The following PIK3R5 variants were observed in gnomAD, a reference collection of about 807,000 sequenced individuals.
PIK3R5 encodes phosphoinositide-3-kinase regulatory subunit 5.
A neutral mutation model predicts 94.9 loss-of-function variants in PIK3R5; 32 were observed. That is an observed-to-expected ratio of 0.34 (90% CI 0.25 to 0.45). The LOEUF (loss-of-function observed/expected upper bound fraction) is 0.45. PIK3R5 is among the 20% of genes least tolerant of loss of function. The probability of loss-of-function intolerance (pLI) is 1.00; values close to 1 mark genes in which losing one functional copy is unlikely to be tolerated. For synonymous variants in PIK3R5, 443 were observed against 479.4 expected, an observed-to-expected ratio of 0.92 and a Z score of 0.99; for missense variants, 853 against 1,144.6, an observed-to-expected ratio of 0.75 and a Z score of 3.68.
intron 1 of PIK3R5, among the ~76,000 whole-genome samples, chr17:8,931,433 C>G (rs1001174884): frequency 1.2e-4 from 19 of 152,168 alleles, no homozygotes; most frequent in Non-Finnish European, 2.5e-4. Context: ...GGGCAACAGG[C>G]AAGCACAGGA....
intron 1 of PIK3R5, among the ~76,000 whole-genome samples, chr17:8,914,147 C>T (rs2090586649): frequency 6.6e-6 from 1 of 152,186 alleles, no homozygotes; most frequent in Non-Finnish European, 1.5e-5. Context: ...GACAGCGACC[C>T]TTTGTTCTCA....
rs375519798 is a variant in PIK3R5 at position 8,932,252 on chromosome 17, GAGAC to G, written c.-13-20749_-13-20746del. Among the ~76,000 whole-genome samples, 60 of 150,812 alleles carry G rather than the reference GAGAC, an allele frequency of 4.0e-4. No homozygotes were observed. In the East Asian group the frequency reaches 9.7e-3, roughly 24 times the overall value. On this transcript the variant is annotated intron_variant, in intron 1 of 18. Transcript: ENST00000447110. ...TGGAAACCTTTTTTTTTTTATTTTTGAGACAGAGTCTCATTCTGCTGCCCAGGCT... is the reference window on the plus strand; with the variant it reads ...TGGAAACCTTTTTTTTTTTATTTTTGAGAGTCTCATTCTGCTGCCCAGGCT...
chr17:8,940,700 A>T (rs1289529074), intron 1 of PIK3R5, among the ~76,000 whole-genome samples: 3 of 152,100 alleles, frequency 2.0e-5, no homozygotes, highest in African/African-American at 7.2e-5. Flanking sequence ...AGCTGGGATT[A>T]CAGGCATGAG....
chr17:8,958,280 CAA>C (rs10716055), intron 1 of PIK3R5, among the ~76,000 whole-genome samples: 4,606 of 131,706 alleles, frequency 0.035, 133 homozygotes, highest in African/African-American at 0.093. Flanking sequence ...GAGACTGTCT[CAA>C]AAAAAAAAAA....
rs558325134 is a variant in PIK3R5 at position 8,930,727 on chromosome 17, G to C, written c.-13-19220C>G. The stretch of plus-strand genomic sequence containing the variant: ...AACTATTGATACACACAACAACCTG[G>C]GTTAACTTCCGGAAAATTATGCTGA... On this transcript the variant is annotated intron_variant, in intron 1 of 18. Transcript: ENST00000447110. Among the ~76,000 whole-genome samples, 43 of 152,218 alleles carry C rather than the reference G, an allele frequency of 2.8e-4. 1 individual carries two copies. The highest frequency in any genetic ancestry group is 4.6e-4 in the Admixed American group (7 of 15,294).
At position 8,904,056 on chromosome 17, in the gene PIK3R5, A is replaced by G. The variant is rs2151397863; in HGVS notation, c.412+721T>C. 6.6e-6 allele frequency among the ~76,000 whole-genome samples: 1 copy of G among 152,364 alleles called. No homozygotes were observed. Among genetic ancestry groups the G allele is most frequent in the Admixed American group, 6.5e-5 (1 of 15,306 alleles). On this transcript the variant is annotated intron_variant, in intron 5 of 18. Coordinates refer to ENST00000447110, the MANE Select transcript of PIK3R5 (RefSeq NM_001142633.3). This position sits in a 1 kb window ranked among gnomAD's most constrained non-coding sequence, Gnocchi z 5.1. ...TTCCATATATTGAGGGGTTTTGAAT[A>G]TCAGGAATGATGATGAATTTTATGA...
rs2089921447 is a variant in PIK3R5 at position 8,888,056 on chromosome 17, A to AT, written c.1616+114_1616+115insA. ...ATAATAATAATAATAATAAAATAAA[A>AT]ATAAATAAGGGAACTTTTGGTTCCT... is the stretch of plus-strand genomic sequence containing the variant. On this transcript the variant is annotated intron_variant, in intron 10 of 18. Coordinates refer to ENST00000447110, the MANE Select transcript of PIK3R5 (RefSeq NM_001142633.3). This position sits in a 1 kb window ranked among gnomAD's most constrained non-coding sequence, Gnocchi z 7.8. 2.3e-6 allele frequency: 1 copy of AT among 438,656 alleles called. No homozygotes were observed. The highest frequency in any genetic ancestry group is 3.9e-6 in the Non-Finnish European group (1 of 253,792). 27.2% of individuals were successfully genotyped at this position (438,656 alleles called of 1,614,324 possible).
Position 8,893,369 on chromosome 17 carries a change from G to T in PIK3R5, c.482+217C>A, listed in dbSNP as rs1597381223. Among the ~76,000 whole-genome samples, 1 of 152,130 alleles carries T rather than the reference G, an allele frequency of 6.6e-6. No homozygotes were observed. Among genetic ancestry groups the T allele is most frequent in the Non-Finnish European group, 1.5e-5 (1 of 68,030 alleles). On this transcript the variant is annotated intron_variant, in intron 6 of 18. Transcript: ENST00000447110. This position sits in a 1 kb window ranked among gnomAD's most constrained non-coding sequence, Gnocchi z 5.1. ...TGATACAGACCTCTTTAAGAATCTG[G>T]TGAAAGACCGTCAGCCTAGAAAAAC...
Position 8,881,404 on chromosome 17 carries a change from C to G in PIK3R5, c.2382+226G>C, listed in dbSNP as rs1424885814. 6.6e-6 allele frequency among the ~76,000 whole-genome samples: 1 copy of G among 152,064 alleles called. No individual in the cohort carries two copies. The highest frequency in any genetic ancestry group is 1.9e-4 in the East Asian group (1 of 5,190). On this transcript the variant is annotated intron_variant, in intron 17 of 18. Coordinates refer to ENST00000447110, the MANE Select transcript of PIK3R5 (RefSeq NM_001142633.3). The surrounding 1 kb of genome is among the most constrained non-coding windows in gnomAD (Gnocchi z 4.8). ...ACAGGGCACCCCTACCTCCCCGACA[C>G]CCCGCAACACTCCACACCTGTGTGC...
chr17:8,953,533 G>A (rs1366311895), intron 1 of PIK3R5, among the ~76,000 whole-genome samples: 12 of 152,168 alleles, frequency 7.9e-5, no homozygotes, highest in Admixed American at 1.3e-4. Context: ...TGAACTCACA[G>A]GAGCCTTTGC....
chr17:8,951,479 T>C (rs80097028), intron 1 of PIK3R5, among the ~76,000 whole-genome samples: 1 of 152,300 alleles, frequency 6.6e-6, no homozygotes, highest in African/African-American at 2.4e-5. Context: ...AGCTACCTCA[T>C]TTGGGTGGAA....
At chr17:8,926,364 T>A (rs1004082617) in intron 1 of PIK3R5, among the ~76,000 whole-genome samples, 1 of 152,136 alleles carries the variant, frequency 6.6e-6, no homozygotes. Flanking sequence ...ACCCTAAGGT[T>A]CTTCCAGTTT....
At chr17:8,941,057 A>T (rs1406697671) in intron 1 of PIK3R5, among the ~76,000 whole-genome samples, 1 of 152,182 alleles carries the variant, frequency 6.6e-6, no homozygotes, top group East Asian at 1.9e-4. Context: ...ACAACTTCTG[A>T]TCACAGCCAC....
chr17:8,887,342 T>C, intron 11 of PIK3R5, 121 bp from the exon 12 acceptor site: 1 of 1,437,204 alleles, frequency 7.0e-7, no homozygotes, highest in Non-Finnish European at 9.5e-7. Flanking sequence ...TGGGGAAGTA[T>C]GACAACTTTC....
rs1041123275 is a variant in PIK3R5, at chr17:8,955,045, C to A, written c.-14+10551G>T. On this transcript the variant is annotated intron_variant, in intron 1 of 18. Transcript: ENST00000447110. The surrounding 1 kb of genome is among the most constrained non-coding windows in gnomAD (Gnocchi z 4.4). ...GGGTCTGAAGCAGCCCAGAGGAGGA[C>A]ACCTGCCTTGTCCCACAGTGGATCA... Among the ~76,000 whole-genome samples, 4 of 151,970 alleles carry A rather than the reference C, an allele frequency of 2.6e-5. No individual in the cohort carries two copies. Among genetic ancestry groups the A allele is most frequent in the Non-Finnish European group, 5.9e-5 (4 of 68,008 alleles).
intron 1 of PIK3R5, among the ~76,000 whole-genome samples, chr17:8,919,888 C>CT (rs11290606): frequency 0.021 from 2,230 of 107,614 alleles, 52 homozygotes; most frequent in Admixed American, 0.08. Flanking sequence ...CTTTTTCCTT[C>CT]TTTTTTTTTT....
chr17:8,921,103 A>G (rs1432585290), intron 1 of PIK3R5, among the ~76,000 whole-genome samples: 1 of 152,164 alleles, frequency 6.6e-6, no homozygotes, highest in South Asian at 2.1e-4. Flanking sequence ...AGCCTCCCAA[A>G]GTGCTGGGAT....
intron 3 of PIK3R5, 94 bp from the exon 4 acceptor site, chr17:8,905,831 CTTTTT>C: frequency 8.7e-5 from 33 of 381,294 alleles, no homozygotes; most frequent in Admixed American, 1.1e-4. Context: ...TCTAGCCTTT[CTTTTT>C]TTTTTTTTTT....
intron 1 of PIK3R5, among the ~76,000 whole-genome samples, chr17:8,943,590 G>C (rs992049898): frequency 6.6e-6 from 1 of 152,184 alleles, no homozygotes; most frequent in African/African-American, 2.4e-5. Flanking sequence ...GGCCAATATG[G>C]GTGAAACCCC....
Sources: allele counts gnomAD v4.1 joint callset (sites outside exome capture counted in the v4.1 genomes callset), GRCh38; gene constraint gnomAD v4.1.1; non-coding constraint Gnocchi (gnomAD v3.1); transcripts MANE v1.5; gene names NCBI Gene and HGNC (gene_info 2026-07-23, HGNC 2026-07-21).